SELENOI: variants seen among roughly 807,000 people sequenced by gnomAD.
The protein encoded by SELENOI is selenoprotein I, also known as ethanolaminephosphotransferase 1.
Under a neutral mutation model 50.7 loss-of-function variants are expected in SELENOI, and 24 were observed. The ratio of observed to expected loss-of-function variants is 0.47; its 90% CI spans 0.34 to 0.67. The LOEUF (loss-of-function observed/expected upper bound fraction) is 0.67. SELENOI is among the 30% of genes least tolerant of loss of function. The pLI is 0.01. For synonymous variants in SELENOI, 155 were observed against 170.2 expected, an observed-to-expected ratio of 0.91 and a Z score of 0.70; for missense variants, 352 against 461.4, an observed-to-expected ratio of 0.76 and a Z score of 2.17.
At chr2:26,354,382 G>GT (rs896872205) in intron 1 of SELENOI, among the ~76,000 whole-genome samples, 21 of 151,874 alleles carry the variant, frequency 1.4e-4, no homozygotes, top group Admixed American at 8.5e-4. Flanking sequence ...GTTTGTTTTT[G>GT]TTTTTTTGTT....
intron 7 of SELENOI, among the ~76,000 whole-genome samples, chr2:26,384,297 T>G (rs575094000): frequency 2.0e-5 from 3 of 152,242 alleles, no homozygotes; most frequent in Admixed American, 1.3e-4. Context: ...CCATACAGTT[T>G]AAAGCTCTGA....
intron 1 of SELENOI, among the ~76,000 whole-genome samples, chr2:26,351,616 A>G (rs949743312): frequency 6.6e-6 from 1 of 152,222 alleles, no homozygotes; most frequent in African/African-American, 2.4e-5. Flanking sequence ...ACAAGAAGTT[A>G]GATAAGGTCT....
At chr2:26,356,991 G>A (rs1270033440) in intron 1 of SELENOI, among the ~76,000 whole-genome samples, 3 of 151,848 alleles carry the variant, frequency 2.0e-5, no homozygotes, top group African/African-American at 4.8e-5. Flanking sequence ...ACAGTCTTTC[G>A]TTTTCTCTCT....
Position 26,394,733 on chromosome 2 carries a change from C to T in SELENOI, c.*5630C>T, listed in dbSNP as rs1468468079. The T allele has an allele frequency of 6.6e-6, 1 of 152,076 alleles. No individual in the cohort carries two copies. The highest frequency in any genetic ancestry group is 1.9e-4 in the East Asian group (1 of 5,188). The allele number at this position is 152,076 out of a possible 1,614,324, so 9.4% of individuals were successfully genotyped here. The stretch of plus-strand genomic sequence containing the variant: ...ATGTAAACTCCCTGCTGCCCGCCTT[C>T]CCCCAGTCCCCTCCATCTAACATAA... On this transcript the variant is annotated 3_prime_UTR_variant, in exon 10 of 10. Coordinates refer to ENST00000260585, the MANE Select transcript of SELENOI (RefSeq NM_033505.4). This position sits in a 1 kb window ranked among gnomAD's most constrained non-coding sequence, Gnocchi z 4.1.
intron 1 of SELENOI, among the ~76,000 whole-genome samples, chr2:26,349,308 C>T (rs1479192813): frequency 1.2e-4 from 14 of 115,322 alleles, no homozygotes; most frequent in South Asian, 2.8e-4. Context: ...CCACACTTGT[C>T]TTTTTTTTTT....
chr2:26,389,272 A>T lies in SELENOI; in HGVS notation c.*169A>T. On this transcript the variant is annotated 3_prime_UTR_variant, in exon 10 of 10. Coordinates refer to ENST00000260585, the MANE Select transcript of SELENOI (RefSeq NM_033505.4). ...AACTTGGGAAATTTTGGACCTACTA[A>T]CTCTAAGCCTATTTTATTTTTTATA... The T allele has an allele frequency of 1.8e-6, 1 of 549,650 alleles. No individual in the cohort carries two copies. The highest frequency in any genetic ancestry group is 3.2e-6 in the Non-Finnish European group (1 of 309,686). 34.0% of individuals were successfully genotyped at this position (549,650 alleles called of 1,614,324 possible). A position where few individuals can be genotyped will look rare whatever the true frequency, so the allele number is the denominator to read the frequency against.
chr2:26,357,779 G>A (rs1230573234), intron 1 of SELENOI, among the ~76,000 whole-genome samples: 1 of 152,168 alleles, frequency 6.6e-6, no homozygotes, highest in East Asian at 1.9e-4. Flanking sequence ...GGGGTGTGGG[G>A]AGCAGTGTCT....
chr2:26,374,528 A>C (rs1367070882), intron 5 of SELENOI, among the ~76,000 whole-genome samples: 6 of 151,834 alleles, frequency 4.0e-5, no homozygotes, highest in Non-Finnish European at 2.9e-5. Context: ...ATTGTCTACA[A>C]GTTAGTTATT....
intron 1 of SELENOI, among the ~76,000 whole-genome samples, chr2:26,349,932 CAAAAAAA>C (rs70950184): frequency 3.6e-5 from 2 of 55,286 alleles, no homozygotes; most frequent in South Asian, 7.3e-4. Context: ...CTCATCTCCA[CAAAAAAA>C]AAAAAAAAAA....
chr2:26,378,852 C>T (rs548690062), intron 6 of SELENOI, among the ~76,000 whole-genome samples: 2 of 152,320 alleles, frequency 1.3e-5, no homozygotes, highest in Admixed American at 1.3e-4. Context: ...GATATCATTT[C>T]TTTTCATCCG....
intron 1 of SELENOI, among the ~76,000 whole-genome samples, chr2:26,358,240 T>C (rs1464825638): frequency 6.6e-6 from 1 of 152,084 alleles, no homozygotes; most frequent in East Asian, 1.9e-4. Context: ...CCATCTCTAC[T>C]AAAAATACAA....
At chr2:26,360,277 G>C (rs1017043248) in intron 1 of SELENOI, among the ~76,000 whole-genome samples, 2 of 152,178 alleles carry the variant, frequency 1.3e-5, no homozygotes, top group African/African-American at 4.8e-5. Context: ...ACTCAGGTGT[G>C]TAAGGCGAGA....
Position 26,364,822 on chromosome 2 carries a change from G to T in SELENOI, c.127-10G>T. 2 of 1,585,296 alleles carry T rather than the reference G, an allele frequency of 1.3e-6. No individual in the cohort carries two copies. Among genetic ancestry groups the T allele is most frequent in the Non-Finnish European group, 8.6e-7 (1 of 1,161,962 alleles). On this transcript the variant is annotated splice_polypyrimidine_tract_variant and intron_variant, in intron 2 of 9. Transcript: ENST00000260585. ...ACTTTAATTATTTTATAATTATTTTGCAAAAATAGGTATTTCCTACTTGGC... is the reference window on the plus strand; with the variant it reads ...ACTTTAATTATTTTATAATTATTTTTCAAAAATAGGTATTTCCTACTTGGC...
At chr2:26,388,000 G>A (rs751960310) in intron 9 of SELENOI, among the ~76,000 whole-genome samples, 1 of 152,110 alleles carries the variant, frequency 6.6e-6, no homozygotes, top group Non-Finnish European at 1.5e-5. Flanking sequence ...CTAAACTTGG[G>A]CTTTCTTCCC....
chr2:26,375,172 T>C, intron 6 of SELENOI, 24 bp downstream of exon 6: 1 of 1,428,830 alleles, frequency 7.0e-7, no homozygotes, highest in Non-Finnish European at 9.8e-7. Flanking sequence ...TGTTGAAGCC[T>C]GTTTTAACCA....
chr2:26,378,014 T>A (rs974548922), intron 6 of SELENOI, among the ~76,000 whole-genome samples: 1 of 152,192 alleles, frequency 6.6e-6, no homozygotes, highest in Non-Finnish European at 1.5e-5. Context: ...CCCATCACAT[T>A]GTATTAAGTA....
At chr2:26,367,327 G>A in intron 4 of SELENOI, 107 bp downstream of exon 4, 1 of 827,882 alleles carries the variant, frequency 1.2e-6, no homozygotes, top group Non-Finnish European at 1.8e-6. Flanking sequence ...TTTAACTAGA[G>A]TTTATTAGTA....
At chr2:26,364,510 A>T in intron 2 of SELENOI, 140 bp downstream of exon 2, 1 of 613,108 alleles carries the variant, frequency 1.6e-6, no homozygotes, top group Non-Finnish European at 2.8e-6. Context: ...CAATACCCCA[A>T]ATCACATACC....
chr2:26,349,885 A>C (rs896500380), intron 1 of SELENOI, among the ~76,000 whole-genome samples: 2 of 130,028 alleles, frequency 1.5e-5, no homozygotes, highest in African/African-American at 5.7e-5. Flanking sequence ...AGGTGGGAGG[A>C]TGGCTTGAGG....
Sources: gnomAD v4.1 joint callset for allele counts (sites outside exome capture counted in the v4.1 genomes callset) on GRCh38, gnomAD v4.1.1 for gene constraint, Gnocchi (gnomAD v3.1) non-coding constraint, MANE v1.5 for transcripts, NCBI Gene and HGNC (gene_info 2026-07-23, HGNC 2026-07-21) for gene names.